CTNND2: variants seen among roughly 807,000 people sequenced by gnomAD.
CTNND2 encodes the protein catenin delta-2.
A neutral mutation model predicts 144.4 loss-of-function variants in CTNND2; 22 were observed. The ratio of observed to expected loss-of-function variants is 0.15; its 90% CI spans 0.11 to 0.22. CTNND2 has a LOEUF of 0.22. Among genes scored for constraint, CTNND2 ranks in the 10% least tolerant of loss-of-function variants. The pLI, the probability that CTNND2 is intolerant of heterozygous loss-of-function variation, is 1.00. For missense variants in CTNND2, 1,353 were observed against 1,618.8 expected, an observed-to-expected ratio of 0.84 and a Z score of 2.82; for synonymous variants, 751 against 695.6, an observed-to-expected ratio of 1.08 and a Z score of -1.25.
chr5:11,188,811 TA>T (rs949040754), intron 11 of CTNND2, among the ~76,000 whole-genome samples: 15 of 152,128 alleles, frequency 9.9e-5, no homozygotes, highest in African/African-American at 3.6e-4. Context: ...TTGGAACACT[TA>T]ACTCCAGATT....
At chr5:11,481,348 T>C (rs528590417) in intron 3 of CTNND2, among the ~76,000 whole-genome samples, 12 of 152,300 alleles carry the variant, frequency 7.9e-5, no homozygotes, top group Admixed American at 2.0e-4. Flanking sequence ...TTCTCACCAA[T>C]CTCACCCTAA....
At chr5:11,726,683 T>C (rs1434487048) in intron 2 of CTNND2, among the ~76,000 whole-genome samples, 1 of 152,212 alleles carries the variant, frequency 6.6e-6, no homozygotes, top group Non-Finnish European at 1.5e-5. Context: ...TATATTGTCA[T>C]GTTACAAAAC....
intron 1 of CTNND2, among the ~76,000 whole-genome samples, chr5:11,855,685 A>G (rs1795219176): frequency 6.6e-6 from 1 of 152,192 alleles, no homozygotes; most frequent in Admixed American, 6.5e-5. Flanking sequence ...ACTTCTGGTC[A>G]CCCTGCATAG....
intron 11 of CTNND2, among the ~76,000 whole-genome samples, chr5:11,161,136 A>G (rs138048687): frequency 2.0e-5 from 3 of 152,322 alleles, no homozygotes; most frequent in African/African-American, 4.8e-5. Flanking sequence ...TTTTATGAAT[A>G]AAGTTTTATT....
chr5:11,650,336 T>G lies in CTNND2; in HGVS notation c.174+81800A>C, dbSNP rs1202051961. Among the ~76,000 whole-genome samples, 4 of 152,332 alleles carry G rather than the reference T, an allele frequency of 2.6e-5. 1 individual carries two copies. The highest frequency in any genetic ancestry group is 2.6e-4 in the Admixed American group (4 of 15,294). On this transcript the variant is annotated intron_variant, in intron 2 of 21. Coordinates refer to ENST00000304623, the MANE Select transcript of CTNND2 (RefSeq NM_001332.4). ...CTGCAACCATGCTTCCTGTACAGCC[T>G]GCAGAACTGTGAGTCCTTTAAACTT...
chr5:11,443,553 A>G (rs1366890780), intron 3 of CTNND2, among the ~76,000 whole-genome samples: 2 of 152,062 alleles, frequency 1.3e-5, no homozygotes, highest in African/African-American at 4.8e-5. Flanking sequence ...AAATTCTTTC[A>G]AAATGTTATC....
In CTNND2 at chr5:11,136,551, C is replaced by T. The variant is rs182204658; in HGVS notation, c.2160-18984G>A. On this transcript the variant is annotated intron_variant, in intron 12 of 21. Coordinates refer to ENST00000304623, the MANE Select transcript of CTNND2 (RefSeq NM_001332.4). ...ATGTTGTTATGCACCAGCAGTGCTA[C>T]GCTTGTGGAATAGATATGTGTGTCA... Among the ~76,000 whole-genome samples the T allele has an allele frequency of 9.9e-5, 15 of 152,220 alleles. 1 individual carries two copies. Among genetic ancestry groups the T allele is most frequent in the South Asian group, 4.1e-4 (2 of 4,826 alleles).
intron 3 of CTNND2, among the ~76,000 whole-genome samples, chr5:11,551,182 T>C (rs1305294717): frequency 6.6e-6 from 1 of 152,066 alleles, no homozygotes; most frequent in South Asian, 2.1e-4. Context: ...TCAGTCTCCA[T>C]CCTTACCCAA....
intron 16 of CTNND2, among the ~76,000 whole-genome samples, chr5:11,032,552 G>A (rs1743590157): frequency 6.6e-6 from 1 of 152,178 alleles, no homozygotes. Flanking sequence ...GAAAATGTCT[G>A]AATGCTTGTT....
At chr5:11,719,876 A>ACACACACCCCCC (rs1016017967) in intron 2 of CTNND2, among the ~76,000 whole-genome samples, 1 of 144,196 alleles carries the variant, frequency 6.9e-6, no homozygotes, top group African/African-American at 2.7e-5. Flanking sequence ...ACACACACAC[A>ACACACACCCCCC]CCACAGATCC....
intron 16 of CTNND2, among the ~76,000 whole-genome samples, chr5:11,054,599 C>G (rs566432496): frequency 1.3e-5 from 2 of 152,134 alleles, no homozygotes; most frequent in East Asian, 3.9e-4. Context: ...TGCCTCCCAT[C>G]GTTCATCATC....
chr5:11,089,430 A>G (rs2973515), intron 15 of CTNND2, among the ~76,000 whole-genome samples: 22,298 of 152,160 alleles, frequency 0.15, 2,041 homozygotes, highest in African/African-American at 0.26. Flanking sequence ...TCTGTAATGG[A>G]TTTTGTAGAC....
chr5:11,270,307 T>C (rs1745868338), intron 9 of CTNND2, among the ~76,000 whole-genome samples: 1 of 152,126 alleles, frequency 6.6e-6, no homozygotes, highest in African/African-American at 2.4e-5. Context: ...ATATAGTTTA[T>C]ATAACCAGAG....
intron 3 of CTNND2, among the ~76,000 whole-genome samples, chr5:11,555,299 A>C (rs1048459356): frequency 6.6e-6 from 1 of 152,188 alleles, no homozygotes; most frequent in African/African-American, 2.4e-5. Context: ...TTAGTATGGG[A>C]GGCAGCAGCT....
At chr5:11,114,049 T>A (rs1341418878) in intron 13 of CTNND2, among the ~76,000 whole-genome samples, 2 of 150,060 alleles carry the variant, frequency 1.3e-5, no homozygotes, top group Admixed American at 6.7e-5. Context: ...ATCCTCTGCA[T>A]CAAAAAGTGG....
At chr5:11,049,802 A>C (rs898801662) in intron 16 of CTNND2, among the ~76,000 whole-genome samples, 1 of 152,214 alleles carries the variant, frequency 6.6e-6, no homozygotes, top group Non-Finnish European at 1.5e-5. Context: ...TTAAGGGGAA[A>C]TATCTCACCA....
chr5:11,304,703 T>G (rs940386596), intron 9 of CTNND2, among the ~76,000 whole-genome samples: 4 of 152,166 alleles, frequency 2.6e-5, no homozygotes, highest in Non-Finnish European at 5.9e-5. Context: ...ACCACCCTTT[T>G]CTTCCAACCA....
intron 2 of CTNND2, among the ~76,000 whole-genome samples, chr5:11,573,601 C>T (rs1353611495): frequency 6.6e-6 from 1 of 152,100 alleles, no homozygotes; most frequent in Non-Finnish European, 1.5e-5. Context: ...ACTGTAAAGC[C>T]GTGTACACCT....
At chr5:11,198,369 C>G (rs924708197) in intron 11 of CTNND2, among the ~76,000 whole-genome samples, 23 of 151,948 alleles carry the variant, frequency 1.5e-4, no homozygotes, top group African/African-American at 5.1e-4. Context: ...CTAATACAAC[C>G]AAGAGTGAGA....
Sources: allele counts gnomAD v4.1 joint callset (sites outside exome capture counted in the v4.1 genomes callset), GRCh38; gene constraint gnomAD v4.1.1; transcripts MANE v1.5; gene names NCBI Gene and HGNC (gene_info 2026-07-23, HGNC 2026-07-21).